The following CDYL variants were observed in gnomAD, a reference collection of about 807,000 sequenced individuals.
The protein encoded by CDYL is chromodomain Y like.
Under a neutral mutation model 47.3 loss-of-function variants are expected in CDYL, and 8 were observed. That is an observed-to-expected ratio of 0.17 (90% confidence interval 0.10 to 0.31). The LOEUF is 0.31. Ranked by LOEUF, CDYL falls within the 10% of genes least tolerant of loss-of-function variation. The pLI is 1.00. For synonymous variants in CDYL, 266 were observed against 265.0 expected, an observed-to-expected ratio of 1.00 and a Z score of -0.04; for missense variants, 471 against 701.4, an observed-to-expected ratio of 0.67 and a Z score of 3.71.
At chr6:4,850,358 T>C (rs1024352431) in intron 1 of CDYL, among the ~76,000 whole-genome samples, 11 of 152,232 alleles carry the variant, frequency 7.2e-5, no homozygotes, top group African/African-American at 2.7e-4. Flanking sequence ...ATTTTATCTT[T>C]AAATGTTCAG....
At chr6:4,915,946 T>C (rs1757544150) in intron 2 of CDYL, among the ~76,000 whole-genome samples, 1 of 152,240 alleles carries the variant, frequency 6.6e-6, no homozygotes, top group African/African-American at 2.4e-5. Context: ...CCTCTTCAGA[T>C]AGGGCTTACT....
intron 1 of CDYL, among the ~76,000 whole-genome samples, chr6:4,794,141 G>C (rs551226588): frequency 6.6e-6 from 1 of 152,238 alleles, no homozygotes; most frequent in Admixed American, 6.5e-5. Context: ...GTAGAGAAGA[G>C]ATGTGAAGAC....
At chr6:4,846,559 A>G (rs990578212) in intron 1 of CDYL, among the ~76,000 whole-genome samples, 8 of 152,162 alleles carry the variant, frequency 5.3e-5, no homozygotes, top group Non-Finnish European at 1.0e-4. Flanking sequence ...GCTGTTAGTT[A>G]TCTTGGACCT....
chr6:4,900,796 T>TCTATATAGATATAGATATAG (rs1561697537), intron 2 of CDYL, among the ~76,000 whole-genome samples: 1 of 71,718 alleles, frequency 1.4e-5, no homozygotes, highest in African/African-American at 6.9e-5. Flanking sequence ...TATATATATA[T>TCTATATAGATATAGATATAG]ATATATATAT....
At chr6:4,905,705 G>C (rs576169668) in intron 2 of CDYL, among the ~76,000 whole-genome samples, 1 of 152,200 alleles carries the variant, frequency 6.6e-6, no homozygotes, top group African/African-American at 2.4e-5. Flanking sequence ...CATGCTGCAC[G>C]CCTCTTATGT....
At chr6:4,851,191 A>G (rs934966034) in intron 1 of CDYL, among the ~76,000 whole-genome samples, 4 of 152,238 alleles carry the variant, frequency 2.6e-5, no homozygotes, top group African/African-American at 9.6e-5. Flanking sequence ...GCTCTGTGCT[A>G]GTTCTGTAAC....
intron 1 of CDYL, among the ~76,000 whole-genome samples, chr6:4,829,079 G>A (rs148076406): frequency 0.027 from 4,042 of 152,132 alleles, 183 homozygotes; most frequent in African/African-American, 0.092. Context: ...CTTCTGGCTG[G>A]TTTCTGTCAA....
At chr6:4,884,254 G>A (rs1761842090) in intron 1 of CDYL, among the ~76,000 whole-genome samples, 2 of 152,212 alleles carry the variant, frequency 1.3e-5, no homozygotes, top group African/African-American at 4.8e-5. Context: ...CACGTGGCTT[G>A]CTAAGGTGGA....
chr6:4,726,716 C>T (rs573657522), intron 2 of CDYL, among the ~76,000 whole-genome samples: 3 of 150,276 alleles, frequency 2.0e-5, no homozygotes, highest in East Asian at 3.9e-4. Flanking sequence ...AAAAAAAAGT[C>T]GAATAAATGT....
At chr6:4,919,203 G>A (rs1757640483) in intron 2 of CDYL, among the ~76,000 whole-genome samples, 1 of 152,068 alleles carries the variant, frequency 6.6e-6, no homozygotes, top group South Asian at 2.1e-4. Context: ...CAGAACCAGA[G>A]GCACAAGCTT....
intron 1 of CDYL, among the ~76,000 whole-genome samples, chr6:4,876,911 A>G (rs1286845455): frequency 6.6e-6 from 1 of 152,228 alleles, no homozygotes; most frequent in African/African-American, 2.4e-5. Flanking sequence ...CAGTGCCATC[A>G]TGGTACTGGG....
At chr6:4,928,595 T>A (rs1445857227) in intron 2 of CDYL, 1 of 152,132 alleles carries the variant, frequency 6.6e-6, no homozygotes, top group Non-Finnish European at 1.5e-5. Flanking sequence ...TCTGTGGCAT[T>A]TGTGTCTAGT....
intron 1 of CDYL, among the ~76,000 whole-genome samples, chr6:4,788,733 C>T (rs1000175766): frequency 6.6e-6 from 1 of 151,286 alleles, no homozygotes; most frequent in Admixed American, 6.6e-5. Context: ...GCTTCCCCAC[C>T]ACCATTCGGC....
chr6:4,907,977 C>T (rs375316135), intron 2 of CDYL, among the ~76,000 whole-genome samples: 4 of 152,174 alleles, frequency 2.6e-5, no homozygotes, highest in African/African-American at 9.7e-5. Context: ...GTGTTCTCTA[C>T]CACCCCACTT....
At chr6:4,870,642 G>A (rs1761445889) in intron 1 of CDYL, among the ~76,000 whole-genome samples, 1 of 151,976 alleles carries the variant, frequency 6.6e-6, no homozygotes, top group Non-Finnish European at 1.5e-5. Flanking sequence ...CCCATTACAT[G>A]TATGTCTGCA....
At position 4,943,234 on chromosome 6, in the gene CDYL, GTGT is replaced by G. The variant is rs200362199; in HGVS notation, c.1122-307_1122-305del. 8.9e-4 allele frequency among the ~76,000 whole-genome samples: 135 copies of G among 152,278 alleles called. 1 individual carries two copies. In the East Asian group the frequency reaches 0.024, roughly 27 times the overall value. On this transcript the variant is annotated intron_variant, in intron 4 of 6. Coordinates refer to ENST00000397588, the MANE Select transcript of CDYL (RefSeq NM_004824.4). ...GGGAAGACAGGTTGGGGAGCAAGAT[GTGT>G]TGTTTATAGAGCCCGAGAGCCACCT...
At chr6:4,855,882 G>A (rs1254806128) in intron 1 of CDYL, among the ~76,000 whole-genome samples, 1 of 152,170 alleles carries the variant, frequency 6.6e-6, no homozygotes, top group Admixed American at 6.5e-5. Context: ...CCCTTGCCTT[G>A]TCACGGCCAA....
At chr6:4,908,670 C>T (rs1300307539) in intron 2 of CDYL, among the ~76,000 whole-genome samples, 1 of 152,178 alleles carries the variant, frequency 6.6e-6, no homozygotes, top group African/African-American at 2.4e-5. Flanking sequence ...GCTTACGTCT[C>T]TCTTTCCCCA....
chr6:4,953,045 AG>A, intron 6 of CDYL, among the ~76,000 whole-genome samples: 1 of 151,390 alleles, frequency 6.6e-6, no homozygotes, highest in East Asian at 2.0e-4. Flanking sequence ...CTGGAATTAC[AG>A]GCATGAGCCA....
Sources: allele counts gnomAD v4.1 joint callset (sites outside exome capture counted in the v4.1 genomes callset), GRCh38; gene constraint gnomAD v4.1.1; transcripts MANE v1.5; gene names NCBI Gene and HGNC (gene_info 2026-07-23, HGNC 2026-07-21).